Variants in HS1BP3 observed in about 807,000 individuals in gnomAD.
HS1BP3 encodes the protein HCLS1 binding protein 3.
HS1BP3 carries 32 observed loss-of-function variants against 33.5 expected under a neutral mutation model. That is an observed-to-expected ratio of 0.95 (90% confidence interval 0.72 to 1.28). The LOEUF is 1.28. HS1BP3 is among the 50% of genes most tolerant of loss of function. HS1BP3 has a pLI of 0.00. For missense variants in HS1BP3, 486 were observed against 502.3 expected, an observed-to-expected ratio of 0.97 and a Z score of 0.31; for synonymous variants, 187 against 209.2, an observed-to-expected ratio of 0.89 and a Z score of 0.92.
At chr2:20,636,575 G>A (rs888996910) in intron 4 of HS1BP3, 2 of 152,244 alleles carry the variant, frequency 1.3e-5, no homozygotes, top group Non-Finnish European at 2.9e-5. Flanking sequence ...AGTGGATCCT[G>A]AAAGCAGTTT....
At chr2:20,573,948 A>G (rs1359440131) in intron 5 of HS1BP3, among the ~76,000 whole-genome samples, 1 of 152,148 alleles carries the variant, frequency 6.6e-6, no homozygotes, top group Non-Finnish European at 1.5e-5. Context: ...GGACATAGAG[A>G]ATGAACAGGA....
chr2:20,615,101 G>A (rs371754953), downstream of HS1BP3, among the ~76,000 whole-genome samples: 67 of 152,342 alleles, frequency 4.4e-4, no homozygotes, highest in South Asian at 0.013. Context: ...AGCTGGTACC[G>A]GGCAGGGAAG....
At chr2:20,571,844 C>G (rs1693282290) in intron 5 of HS1BP3, among the ~76,000 whole-genome samples, 1 of 152,230 alleles carries the variant, frequency 6.6e-6, no homozygotes, top group East Asian at 1.9e-4. Flanking sequence ...GTGCCACTGC[C>G]AAAGGGCTGG....
At chr2:20,598,719 C>T (rs1015144037) in intron 2 of HS1BP3, among the ~76,000 whole-genome samples, 2 of 151,320 alleles carry the variant, frequency 1.3e-5, no homozygotes, top group South Asian at 2.1e-4. Flanking sequence ...CCACTACGCC[C>T]GGCTAATTTT....
intron 5 of HS1BP3, among the ~76,000 whole-genome samples, chr2:20,575,844 G>A (rs367695301): frequency 2.0e-5 from 3 of 152,130 alleles, no homozygotes; most frequent in African/African-American, 7.2e-5. Context: ...TGACTGTTAG[G>A]CCCTGATACC....
chr2:20,574,334 A>G (rs1419443693), intron 5 of HS1BP3, among the ~76,000 whole-genome samples: 1 of 152,254 alleles, frequency 6.6e-6, no homozygotes, highest in African/African-American at 2.4e-5. Flanking sequence ...ATGCAAAATC[A>G]CAATTTATGA....
chr2:20,565,639 C>A (rs952696997), intron 5 of HS1BP3, among the ~76,000 whole-genome samples: 2 of 152,254 alleles, frequency 1.3e-5, no homozygotes, highest in African/African-American at 4.8e-5. Flanking sequence ...TCAGCACACC[C>A]TGCAACTAGG....
chr2:20,638,321 G>A, intron 4 of HS1BP3, 115 bp downstream of exon 4: 6 of 1,029,078 alleles, frequency 5.8e-6, no homozygotes, highest in Non-Finnish European at 7.1e-6. Flanking sequence ...CCAGATCCCT[G>A]CGAGGGGGCG....
chr2:20,617,251 C>T (rs188489464), downstream of HS1BP3, among the ~76,000 whole-genome samples: 18 of 152,286 alleles, frequency 1.2e-4, no homozygotes, highest in Admixed American at 5.9e-4. Flanking sequence ...TGAGACCTTC[C>T]GCTGCAGTCA....
chr2:20,622,064 TGC>T, intron 6 of HS1BP3: 1 of 623,402 alleles, frequency 1.6e-6, no homozygotes, highest in Non-Finnish European at 2.3e-6. Flanking sequence ...CTGGTGTGGC[TGC>T]ACAGCCAGAA....
chr2:20,602,979 A>T (rs1694102385), intron 2 of HS1BP3, among the ~76,000 whole-genome samples: 1 of 152,242 alleles, frequency 6.6e-6, no homozygotes, highest in Admixed American at 6.5e-5. Flanking sequence ...ACCAAAAAAG[A>T]TGCTCAACAT....
At chr2:20,588,481 A>G (rs1693734533), downstream of HS1BP3, among the ~76,000 whole-genome samples, 1 of 151,970 alleles carries the variant, frequency 6.6e-6, no homozygotes, top group African/African-American at 2.4e-5. Flanking sequence ...ACGCCTGGCT[A>G]ATTTTTTTTT....
intron 2 of HS1BP3, among the ~76,000 whole-genome samples, chr2:20,608,197 C>G (rs973769278): frequency 1.3e-5 from 2 of 152,040 alleles, no homozygotes; most frequent in Non-Finnish European, 2.9e-5. Context: ...ATGTGGTTCT[C>G]CTGCTTATTT....
Position 20,611,677 on chromosome 2 carries a change from C to G in HS1BP3, c.178+12219G>C, listed in dbSNP as rs1694321285. Among the ~76,000 whole-genome samples, 1 of 152,206 alleles carries G rather than the reference C, an allele frequency of 6.6e-6. No homozygotes were observed. The highest frequency in any genetic ancestry group is 1.5e-5 in the Non-Finnish European group (1 of 68,034). ...TCCATGACCCACCTGGATCCAGTCC[C>G]CAGTCACATACCAGGGCCCCCTGGA... On this transcript the variant is annotated intron_variant, in intron 2 of 3. Transcript: ENST00000415264. This position sits in a 1 kb window ranked among gnomAD's most constrained non-coding sequence, Gnocchi z 4.9.
intron 1 of HS1BP3, among the ~76,000 whole-genome samples, chr2:20,647,952 A>G (rs1695566928): frequency 6.6e-6 from 1 of 152,104 alleles, no homozygotes; most frequent in African/African-American, 2.4e-5. Flanking sequence ...ACCATCGGAG[A>G]ACATCCTAGG....
chr2:20,554,192 G>A, the HS1BP3 span, among the ~76,000 whole-genome samples: 72,678 of 152,044 alleles, frequency 0.48, 17,659 homozygotes, highest in East Asian at 0.57. Context: ...AAGGCTGTTC[G>A]TCATACAACA....
rs1695321323 is a variant in HS1BP3, at chr2:20,640,958, C to T, written c.406+15G>A. On this transcript the variant is annotated intron_variant, in intron 3 of 6. Coordinates refer to ENST00000304031, the MANE Select transcript of HS1BP3 (RefSeq NM_022460.4). ...CCGGGGAGACCTGAGGGACATGGGGCAGAGCCTTGGGTACCTAAGAACTCT... is the reference window on the plus strand; with the variant it reads ...CCGGGGAGACCTGAGGGACATGGGGTAGAGCCTTGGGTACCTAAGAACTCT... 6.2e-7 allele frequency: 1 copy of T among 1,613,656 alleles called. No individual in the cohort carries two copies. The highest frequency in any genetic ancestry group is 8.5e-7 in the Non-Finnish European group (1 of 1,179,558).
intron 5 of HS1BP3, among the ~76,000 whole-genome samples, chr2:20,567,666 G>T (rs919195922): frequency 6.6e-6 from 1 of 152,156 alleles, no homozygotes; most frequent in African/African-American, 2.4e-5. Context: ...CAGTCTCCAG[G>T]CTCCTGCAGA....
chr2:20,581,506 T>C (rs542996677), intron 5 of HS1BP3, among the ~76,000 whole-genome samples: 29 of 152,070 alleles, frequency 1.9e-4, no homozygotes, highest in Non-Finnish European at 3.1e-4. Context: ...TGCACCACCA[T>C]GCCTGGCTAA....
Sources: allele counts gnomAD v4.1 joint callset (sites outside exome capture counted in the v4.1 genomes callset), GRCh38; gene constraint gnomAD v4.1.1; non-coding constraint Gnocchi (gnomAD v3.1); transcripts MANE v1.5; gene names NCBI Gene and HGNC (gene_info 2026-07-23, HGNC 2026-07-21).